Variants in AP2A2 observed in about 807,000 individuals in gnomAD.
The protein encoded by AP2A2 is adaptor related protein complex 2 subunit alpha 2.
Under a neutral mutation model 104.2 loss-of-function variants are expected in AP2A2, and 32 were observed. The observed-to-expected ratio is 0.31, with a 90% CI of 0.23 to 0.41. The LOEUF is 0.41. Ranked by LOEUF, AP2A2 falls within the 10% of genes least tolerant of loss-of-function variation. The probability of loss-of-function intolerance (pLI) is 1.00; values close to 1 mark genes in which losing one functional copy is unlikely to be tolerated. For synonymous variants in AP2A2, 539 were observed against 533.3 expected (o/e 1.01, Z -0.15); for missense variants, 912 against 1,261.0 (o/e 0.72, Z 4.19).
chr11:945,184 A>G (rs920426381), intron 1 of AP2A2, among the ~76,000 whole-genome samples: 8 of 152,206 alleles, frequency 5.3e-5, no homozygotes, highest in East Asian at 1.9e-4. Context: ...CATGTGATAC[A>G]TTGAGGGTGA....
At position 993,141 on chromosome 11, in the gene AP2A2, A is replaced by G; in HGVS notation, c.1453-143A>G. On this transcript the variant is annotated intron_variant, in intron 11 of 21. Transcript: ENST00000448903. This position sits in a 1 kb window ranked among gnomAD's most constrained non-coding sequence, Gnocchi z 8.2. ...ACACAGGTACTGAGGGTGCTGAGGA[A>G]GGCAGGGATGGGCACTTGGACTGGG... The G allele has an allele frequency of 1.6e-6, 1 of 631,830 alleles. No homozygotes were observed. 39.1% of individuals were successfully genotyped at this position (631,830 alleles called of 1,614,324 possible).
chr11:1,011,215 G>T lies in AP2A2; in HGVS notation c.*590G>T, dbSNP rs745388431. ...ACTTCTGGCAAAAGCACGTGTCCTG[G>T]CCGGATGTAACTGTTCTCCTTTCCC... On this transcript the variant is annotated 3_prime_UTR_variant, in exon 22 of 22. Transcript: ENST00000448903. 9.6e-6 allele frequency: 5 copies of T among 520,092 alleles called. No individual in the cohort carries two copies. The highest frequency in any genetic ancestry group is 1.9e-5 in the Non-Finnish European group (5 of 260,786). The allele number at this position is 520,092 out of a possible 1,614,324, so 32.2% of individuals were successfully genotyped here. A position where few individuals can be genotyped will look rare whatever the true frequency, so the allele number is the denominator to read the frequency against.
At chr11:981,632 C>T (rs1210739541) in intron 6 of AP2A2, among the ~76,000 whole-genome samples, 1 of 152,246 alleles carries the variant, frequency 6.6e-6, no homozygotes, top group Admixed American at 6.5e-5. Context: ...GCTTCCTGTT[C>T]TGAGTTTGAT....
chr11:963,710 C>T (rs1422243112), intron 2 of AP2A2, among the ~76,000 whole-genome samples: 1 of 152,196 alleles, frequency 6.6e-6, no homozygotes, highest in Non-Finnish European at 1.5e-5. Context: ...GCAGCCTCAA[C>T]CCCCCGGGCT....
intron 5 of AP2A2, among the ~76,000 whole-genome samples, 171 bp downstream of exon 5, chr11:977,395 ACTCCGC>A (rs1372849335): frequency 6.7e-6 from 1 of 150,130 alleles, no homozygotes; most frequent in African/African-American, 2.5e-5. Context: ...GATGAGTAAG[ACTCCGC>A]CTCTGCTCAT....
chr11:944,103 C>T (rs959960286), intron 1 of AP2A2, among the ~76,000 whole-genome samples: 2 of 152,064 alleles, frequency 1.3e-5, no homozygotes, highest in African/African-American at 2.4e-5. Context: ...CGGAGATGGC[C>T]GGAATAGAGC....
intron 5 of AP2A2, among the ~76,000 whole-genome samples, chr11:978,428 C>T (rs1439730399): frequency 6.6e-6 from 1 of 152,212 alleles, no homozygotes; most frequent in African/African-American, 2.4e-5. Flanking sequence ...GGGCACCTCT[C>T]CTTGGATACT....
At chr11:965,829 A>G (rs191049579) in intron 2 of AP2A2, among the ~76,000 whole-genome samples, 413 of 152,348 alleles carry the variant, frequency 2.7e-3, no homozygotes, top group Non-Finnish European at 3.8e-3. Flanking sequence ...CATACTCTAC[A>G]GAGACATGGT....
In AP2A2 at chr11:1,003,613, C is replaced by T. The variant is rs188384446; in HGVS notation, c.2124-109C>T. On this transcript the variant is annotated intron_variant, in intron 15 of 21. Transcript: ENST00000448903. ...TCCACTTTTTTCTTCCCTTGTGTGC[C>T]ATAGAGGTTTTTCTGGCCTCCTCGT... The T allele has an allele frequency of 8.1e-4, 497 of 615,154 alleles. 2 individuals carry two copies. Among genetic ancestry groups the T allele is most frequent in the Non-Finnish European group, 7.4e-4 (265 of 359,010 alleles). 38.1% of individuals were successfully genotyped at this position (615,154 alleles called of 1,614,324 possible).
intron 8 of AP2A2, 82 bp downstream of exon 8, chr11:985,664 T>C (rs942158892): frequency 1.9e-6 from 3 of 1,571,120 alleles, no homozygotes; most frequent in Non-Finnish European, 2.6e-6. Flanking sequence ...GGGCGGATCA[T>C]GTCTGGTTTG....
chr11:983,017 C>CTTTTTTTTTTTT (rs56742889), intron 6 of AP2A2, among the ~76,000 whole-genome samples: 1 of 82,388 alleles, frequency 1.2e-5, no homozygotes, highest in African/African-American at 4.7e-5. Context: ...TTTTCTTTTT[C>CTTTTTTTTTTTT]TTTTTTTTTT....
intron 1 of AP2A2, among the ~76,000 whole-genome samples, chr11:934,449 G>A (rs1853389081): frequency 3.3e-5 from 5 of 152,038 alleles, no homozygotes; most frequent in Admixed American, 3.3e-4. Context: ...TCAAATTGTA[G>A]CCCTGTCGAG....
At chr11:987,631 G>GGCGACAGA (rs1345551174) in intron 9 of AP2A2, among the ~76,000 whole-genome samples, 1 of 152,094 alleles carries the variant, frequency 6.6e-6, no homozygotes, top group East Asian at 1.9e-4. Context: ...CTCCAGCGTG[G>GGCGACAGA]GCGACAGAGC....
At chr11:930,074 T>C (rs1008954783) in intron 1 of AP2A2, among the ~76,000 whole-genome samples, 1 of 149,312 alleles carries the variant, frequency 6.7e-6, no homozygotes, top group African/African-American at 2.5e-5. Flanking sequence ...TGAGCTGAGA[T>C]TGTGCCATTG....
At chr11:969,387 G>T (rs1014726125) in intron 2 of AP2A2, among the ~76,000 whole-genome samples, 2 of 151,646 alleles carry the variant, frequency 1.3e-5, no homozygotes, top group Non-Finnish European at 2.9e-5. Context: ...GCACCACCAC[G>T]CCTGGCTAAT....
intron 14 of AP2A2, chr11:996,092 C>T (rs1855849374): frequency 6.6e-6 from 1 of 152,248 alleles, no homozygotes; most frequent in African/African-American, 2.4e-5. Flanking sequence ...CTTTGGACAT[C>T]TTGACATAGG....
At chr11:964,215 T>C (rs1854537135) in intron 2 of AP2A2, among the ~76,000 whole-genome samples, 1 of 152,186 alleles carries the variant, frequency 6.6e-6, no homozygotes, top group South Asian at 2.1e-4. Flanking sequence ...AACCTCAAAA[T>C]GTTGGGAAGG....
chr11:975,851 G>C (rs1855013474), intron 4 of AP2A2, among the ~76,000 whole-genome samples: 2 of 152,216 alleles, frequency 1.3e-5, no homozygotes, highest in South Asian at 4.1e-4. Context: ...CCTCGTGTGA[G>C]CTGACACCGG....
At chr11:994,679 G>A (rs548548718) in intron 14 of AP2A2, among the ~76,000 whole-genome samples, 3 of 139,856 alleles carry the variant, frequency 2.1e-5, no homozygotes, top group Admixed American at 1.4e-4. Flanking sequence ...GGCCTGTCCC[G>A]GGGGCCACTG....
Sources: allele counts gnomAD v4.1 joint callset (sites outside exome capture counted in the v4.1 genomes callset), GRCh38; gene constraint gnomAD v4.1.1; non-coding constraint Gnocchi (gnomAD v3.1); transcripts MANE v1.5; gene names NCBI Gene and HGNC (gene_info 2026-07-23, HGNC 2026-07-21).